The following ANO4 variants were observed in gnomAD, a reference collection of about 807,000 sequenced individuals.
ANO4 encodes the protein anoctamin-4.
Under a neutral mutation model 141.9 loss-of-function variants are expected in ANO4, and 69 were observed. The ratio of observed to expected loss-of-function variants is 0.49; its 90% CI spans 0.40 to 0.59. ANO4 has a LOEUF of 0.59. ANO4 is among the 20% of genes least tolerant of loss of function. The pLI is 0.00. For missense variants in ANO4, 894 were observed against 1,162.2 expected, an observed-to-expected ratio of 0.77 and a Z score of 3.36; for synonymous variants, 350 against 394.3, an observed-to-expected ratio of 0.89 and a Z score of 1.33.
intron 1 of ANO4, among the ~76,000 whole-genome samples, chr12:100,867,603 C>G (rs1189755173): frequency 1.1e-5 from 1 of 92,772 alleles, no homozygotes; most frequent in Admixed American, 1.4e-4. Context: ...CTCTCTGTCT[C>G]TCTCTCTCTC....
chr12:100,875,174 G>A (rs560801169), intron 1 of ANO4, among the ~76,000 whole-genome samples: 27 of 152,256 alleles, frequency 1.8e-4, no homozygotes, highest in Non-Finnish European at 2.5e-4. Flanking sequence ...ACCTCATGTC[G>A]AATTGTAATC....
Position 100,857,869 on chromosome 12 carries a change from C to T in ANO4, c.-140-43777C>T, listed in dbSNP as rs533762680. ...TACTAAATACGTTAATGTGAGAAGA[C>T]AAAACCAAACCACCAAAGATAATAT... On this transcript the variant is annotated intron_variant, in intron 1 of 27. Coordinates refer to ENST00000392977, the MANE Select transcript of ANO4 (RefSeq NM_001286615.2). Among the ~76,000 whole-genome samples, 3 of 152,204 alleles carry T rather than the reference C, an allele frequency of 2.0e-5. No homozygotes were observed. In the South Asian group the frequency reaches 6.2e-4, roughly 32 times the overall value.
At chr12:101,088,477 T>C (rs1171727311) in intron 17 of ANO4, among the ~76,000 whole-genome samples, 1 of 152,178 alleles carries the variant, frequency 6.6e-6, no homozygotes, top group Non-Finnish European at 1.5e-5. Flanking sequence ...CCATTTCTTT[T>C]GGAATGTAGG....
chr12:100,860,833 T>C (rs990474463), intron 1 of ANO4, among the ~76,000 whole-genome samples: 1 of 152,220 alleles, frequency 6.6e-6, no homozygotes, highest in African/African-American at 2.4e-5. Context: ...TGTTAAGTGA[T>C]TTTATCATTG....
At position 100,814,236 on chromosome 12, in the gene ANO4, T is replaced by A. The variant is rs76487279; in HGVS notation, c.-141+19209T>A. ...TTTAAAAAAATTATTGAGATATAAT[T>A]TACATATCATATAATTCACCCATTT... On this transcript the variant is annotated intron_variant, in intron 1 of 27. Transcript: ENST00000392977. 5.2e-4 allele frequency among the ~76,000 whole-genome samples: 79 copies of A among 152,340 alleles called. 1 individual carries two copies. In the East Asian group the frequency reaches 0.014, roughly 27 times the overall value.
intron 3 of ANO4, 104 bp from the exon 4 acceptor site, chr12:100,939,211 A>G: frequency 8.4e-7 from 1 of 1,186,244 alleles, no homozygotes; most frequent in Admixed American, 2.3e-5. Flanking sequence ...AGTTAATGAA[A>G]TGATGAGAAA....
At chr12:100,834,734 A>G (rs2036814514) in intron 1 of ANO4, among the ~76,000 whole-genome samples, 1 of 152,252 alleles carries the variant, frequency 6.6e-6, no homozygotes, top group Middle Eastern at 3.4e-3. Flanking sequence ...GGCAATAGAA[A>G]ATGCTATGGT....
chr12:101,053,765 C>T (rs1205231169), intron 14 of ANO4, among the ~76,000 whole-genome samples: 3 of 152,194 alleles, frequency 2.0e-5, no homozygotes, highest in African/African-American at 2.4e-5. Flanking sequence ...TTGTGAGGTA[C>T]TGGGACCTTT....
At chr12:101,082,939 C>A (rs1188440606) in intron 15 of ANO4, among the ~76,000 whole-genome samples, 1 of 152,052 alleles carries the variant, frequency 6.6e-6, no homozygotes, top group Non-Finnish European at 1.5e-5. Context: ...TGCTGATTGC[C>A]TTTTCCTAAT....
At chr12:101,092,323 G>T (rs2049809634) in intron 17 of ANO4, among the ~76,000 whole-genome samples, 1 of 152,132 alleles carries the variant, frequency 6.6e-6, no homozygotes, top group African/African-American at 2.4e-5. Context: ...AGTACACACA[G>T]CTTCCTTTTG....
intron 3 of ANO4, among the ~76,000 whole-genome samples, chr12:100,937,222 C>T (rs2042321915): frequency 6.6e-6 from 1 of 152,196 alleles, no homozygotes; most frequent in Non-Finnish European, 1.5e-5. Context: ...GAAGGCTTAC[C>T]TGTGCCAGAG....
chr12:101,059,480 C>A (rs1297607206), intron 14 of ANO4, among the ~76,000 whole-genome samples: 1 of 152,194 alleles, frequency 6.6e-6, no homozygotes, highest in Non-Finnish European at 1.5e-5. Flanking sequence ...AGCTGTGAAT[C>A]CTTCTGGTCC....
chr12:100,881,229 A>G (rs956014098), intron 1 of ANO4, among the ~76,000 whole-genome samples: 3 of 152,034 alleles, frequency 2.0e-5, no homozygotes, highest in Non-Finnish European at 4.4e-5. Context: ...GCACATGTAT[A>G]CATATGTAAC....
chr12:100,734,475 CAGAAA>C (rs2031521324), intron 2 of ANO4, among the ~76,000 whole-genome samples: 2 of 152,270 alleles, frequency 1.3e-5, no homozygotes, highest in South Asian at 2.1e-4. Flanking sequence ...ACTTAGAGAT[CAGAAA>C]AGAAAAGTGA....
chr12:101,009,245 A>C (rs912905526), intron 8 of ANO4, among the ~76,000 whole-genome samples: 2 of 152,152 alleles, frequency 1.3e-5, no homozygotes, highest in African/African-American at 4.8e-5. Context: ...AGACATACAC[A>C]CAGAGAAGAT....
intron 1 of ANO4, among the ~76,000 whole-genome samples, chr12:100,800,695 A>G (rs1452472305): frequency 6.6e-6 from 1 of 152,206 alleles, no homozygotes; most frequent in Non-Finnish European, 1.5e-5. Flanking sequence ...TGTTTCCTAG[A>G]ATCTTAAACT....
At chr12:100,772,276 A>C (rs1480454626) in intron 3 of ANO4, among the ~76,000 whole-genome samples, 1 of 152,166 alleles carries the variant, frequency 6.6e-6, no homozygotes, top group Non-Finnish European at 1.5e-5. Context: ...TGAGTTATGC[A>C]ATATGTATTT....
chr12:100,965,731 A>G lies in ANO4; in HGVS notation c.457-5575A>G, dbSNP rs187154419. On this transcript the variant is annotated intron_variant, in intron 5 of 27. Coordinates refer to ENST00000392977, the MANE Select transcript of ANO4 (RefSeq NM_001286615.2). ...TCACTTGACTCTTCCTATGCCTAAC[A>G]CCGTCTCATCTTTCAGATTTCAGGA... Among the ~76,000 whole-genome samples, 58 of 151,838 alleles carry G rather than the reference A, an allele frequency of 3.8e-4. 1 individual carries two copies. In the South Asian group the frequency reaches 6.0e-3, roughly 16 times the overall value.
rs1373626810 is a variant in ANO4 at position 100,801,120 on chromosome 12, TCTCTCA to T, written c.-141+6094_-141+6099del. Among the ~76,000 whole-genome samples, 207 of 151,914 alleles carry T rather than the reference TCTCTCA, an allele frequency of 1.4e-3. 1 individual carries two copies. Among genetic ancestry groups the T allele is most frequent in the African/African-American group, 4.8e-3 (198 of 41,290 alleles). On this transcript the variant is annotated intron_variant, in intron 1 of 27. Transcript: ENST00000392977. ...CTCTCTCTCTCTCTCTCTCTCTCTC[TCTCTCA>T]AACAGACTTTTTGTTTCTTGAGGGC...
Sources: gnomAD v4.1 joint callset for allele counts (sites outside exome capture counted in the v4.1 genomes callset) on GRCh38, gnomAD v4.1.1 for gene constraint, MANE v1.5 for transcripts, NCBI Gene and HGNC (gene_info 2026-07-23, HGNC 2026-07-21) for gene names.